VPS13C: variants seen among roughly 807,000 people sequenced by gnomAD.
VPS13C encodes the protein vacuolar protein sorting 13 homolog C.
Under a neutral mutation model 456.8 loss-of-function variants are expected in VPS13C, and 358 were observed. The observed-to-expected ratio is 0.78, with a 90% confidence interval of 0.72 to 0.86. VPS13C has a LOEUF of 0.86. VPS13C is among the 40% of genes least tolerant of loss of function. The pLI is 0.00. For missense variants in VPS13C, 4,818 were observed against 4,385.4 expected, an observed-to-expected ratio of 1.10 and a Z score of -2.79; for synonymous variants, 1,578 against 1,486.7, an observed-to-expected ratio of 1.06 and a Z score of -1.41.
chr15:61,978,713 T>C lies in VPS13C; in HGVS notation c.2203A>G (p.Asn735Asp), dbSNP rs1317664187. 1 of 1,611,014 alleles carries C rather than the reference T, an allele frequency of 6.2e-7. No homozygotes were observed. The highest frequency in any genetic ancestry group is 2.2e-5 in the East Asian group (1 of 44,586). The change falls in exon 23 of 85, where the codon AAT becomes GAT. Residue 735 changes from asparagine to aspartate, a missense_variant. Around this residue, in one of 3 missense-constraint regions of VPS13C, gnomAD observed 4,552 missense variants for 4,130.6 expected, o/e 1.10. Coordinates refer to ENST00000644861, the MANE Select transcript of VPS13C (RefSeq NM_020821.3). ...TCCATTATTTCTTCCAGAGATGAAT[T>C]AGTAGTCTTCTGTAAACCTTGATCT... ...SKDQGLQKTTNSSLEEIMDKA... is the reference protein window; with the variant it reads ...SKDQGLQKTTDSSLEEIMDKA...
intron 46 of VPS13C, 111 bp downstream of exon 46, chr15:61,941,652 A>G: frequency 8.5e-7 from 1 of 1,173,114 alleles, no homozygotes; most frequent in South Asian, 1.7e-5. Context: ...TCATAATTAG[A>G]AGAAATAAGG....
chr15:62,029,208 C>T (rs1301208583), intron 5 of VPS13C, among the ~76,000 whole-genome samples: 5 of 151,954 alleles, frequency 3.3e-5, no homozygotes, highest in Non-Finnish European at 5.9e-5. Flanking sequence ...AAAAATAGCA[C>T]CTATATCAAA....
At chr15:61,943,664 T>G (rs2044507175) in intron 45 of VPS13C, among the ~76,000 whole-genome samples, 1 of 152,094 alleles carries the variant, frequency 6.6e-6, no homozygotes, top group African/African-American at 2.4e-5. Flanking sequence ...TATTTAAGTG[T>G]AAGACCTCAA....
intron 66 of VPS13C, 129 bp from the exon 67 acceptor site, chr15:61,890,529 A>G: frequency 1.3e-6 from 1 of 751,658 alleles, no homozygotes; most frequent in Non-Finnish European, 2.1e-6. Context: ...TCTAACCATC[A>G]AAATGACATA....
intron 67 of VPS13C, among the ~76,000 whole-genome samples, chr15:61,885,582 G>A (rs182458400): frequency 9.8e-4 from 149 of 152,210 alleles, no homozygotes; most frequent in African/African-American, 3.4e-3. Context: ...AAGTCCACAT[G>A]AATTAATGAA....
chr15:61,857,511 C>G (rs1893985912), intron 82 of VPS13C, among the ~76,000 whole-genome samples: 1 of 152,110 alleles, frequency 6.6e-6, no homozygotes, highest in Non-Finnish European at 1.5e-5. Context: ...CATGGTGAAG[C>G]TGCGAGAAAA....
At chr15:61,996,890 C>T (rs1158718820) in intron 16 of VPS13C, among the ~76,000 whole-genome samples, 1 of 149,864 alleles carries the variant, frequency 6.7e-6, no homozygotes, top group Non-Finnish European at 1.5e-5. Context: ...CACACACACA[C>T]ACACACATAT....
intron 1 of VPS13C, among the ~76,000 whole-genome samples, chr15:62,058,794 G>A (rs1009322745): frequency 6.6e-6 from 1 of 152,166 alleles, no homozygotes; most frequent in Non-Finnish European, 1.5e-5. Context: ...GCTCACACCT[G>A]TAATCCTAGC....
intron 15 of VPS13C, among the ~76,000 whole-genome samples, chr15:62,001,324 C>T (rs973480711): frequency 6.6e-6 from 1 of 152,194 alleles, no homozygotes; most frequent in Non-Finnish European, 1.5e-5. Context: ...ACGCCAATAA[C>T]TACGCTTTTT....
chr15:61,926,678 T>C (rs1436920057), intron 52 of VPS13C, among the ~76,000 whole-genome samples: 1 of 152,208 alleles, frequency 6.6e-6, no homozygotes, highest in Non-Finnish European at 1.5e-5. Flanking sequence ...GAAAACATAA[T>C]TGACATTCAC....
intron 13 of VPS13C, among the ~76,000 whole-genome samples, chr15:62,009,972 G>A (rs559572446): frequency 2.3e-4 from 35 of 152,200 alleles, no homozygotes; most frequent in African/African-American, 8.4e-4. Flanking sequence ...CAGATCATGA[G>A]GTCAGGAGAT....
At chr15:62,015,404 G>T (rs991406833) in intron 9 of VPS13C, among the ~76,000 whole-genome samples, 6 of 151,948 alleles carry the variant, frequency 3.9e-5, no homozygotes, top group African/African-American at 1.5e-4. Flanking sequence ...ATTGCTTTTG[G>T]TGTTTTGGAC....
intron 55 of VPS13C, 137 bp downstream of exon 55, chr15:61,921,810 G>A: frequency 1.4e-6 from 1 of 711,730 alleles, no homozygotes; most frequent in East Asian, 2.8e-5. Flanking sequence ...CATATGAAAA[G>A]AGTTCTGACC....
intron 41 of VPS13C, 70 bp downstream of exon 41, chr15:61,950,288 G>T: frequency 8.7e-7 from 1 of 1,149,884 alleles, no homozygotes; most frequent in Non-Finnish European, 1.3e-6. Context: ...CAATCTCACA[G>T]TTGAAAATGG....
intron 27 of VPS13C, among the ~76,000 whole-genome samples, chr15:61,971,310 G>A (rs1422120817): frequency 6.6e-6 from 1 of 152,022 alleles, no homozygotes; most frequent in Non-Finnish European, 1.5e-5. Context: ...CACCTAGGCT[G>A]GAGTGCAGTG....
At chr15:62,013,554 T>G (rs1270861746) in intron 10 of VPS13C, among the ~76,000 whole-genome samples, 2 of 152,020 alleles carry the variant, frequency 1.3e-5, no homozygotes, top group African/African-American at 2.4e-5. Context: ...CAGTGTTTGT[T>G]AACATATCTA....
chr15:61,962,624 T>A (rs1283653082), intron 33 of VPS13C, 86 bp from the exon 34 acceptor site: 6 of 1,386,372 alleles, frequency 4.3e-6, no homozygotes, highest in South Asian at 1.7e-5. Context: ...ACATTTATAA[T>A]CTTTATAAAA....
intron 51 of VPS13C, among the ~76,000 whole-genome samples, chr15:61,929,062 C>T (rs1407424964): frequency 6.6e-6 from 1 of 152,194 alleles, no homozygotes; most frequent in Non-Finnish European, 1.5e-5. Context: ...TTTGCAAACT[C>T]TTCCACAGAG....
At chr15:62,008,839 G>T in intron 13 of VPS13C, 78 bp from the exon 14 acceptor site, 1 of 848,504 alleles carries the variant, frequency 1.2e-6, no homozygotes, top group Non-Finnish European at 1.7e-6. Context: ...TATTTTTTAG[G>T]CTAGTGAGAC....
Sources: allele counts gnomAD v4.1 joint callset (sites outside exome capture counted in the v4.1 genomes callset), GRCh38; gene constraint gnomAD v4.1.1; regional missense constraint gnomAD v4.1.1; transcripts MANE v1.5; gene names NCBI Gene and HGNC (gene_info 2026-07-23, HGNC 2026-07-21).